The following TTLL7 variants were observed in gnomAD, a reference collection of about 807,000 sequenced individuals.
The protein encoded by TTLL7 is tubulin polyglutamylase TTLL7.
TTLL7 carries 53 observed loss-of-function variants against 120.2 expected under a neutral mutation model. The observed-to-expected ratio is 0.44, with a 90% CI of 0.35 to 0.55. TTLL7 has a LOEUF of 0.55. TTLL7 is among the 20% of genes least tolerant of loss of function. TTLL7 has a pLI of 0.00. For synonymous variants in TTLL7, 353 were observed against 351.7 expected, an observed-to-expected ratio of 1.00 and a Z score of -0.04; for missense variants, 803 against 1,054.7, an observed-to-expected ratio of 0.76 and a Z score of 3.31.
chr1:83,875,353 A>G (rs968689213), intron 20 of TTLL7, among the ~76,000 whole-genome samples: 1 of 151,906 alleles, frequency 6.6e-6, no homozygotes, highest in Non-Finnish European at 1.5e-5. Context: ...CCATCTTGCT[A>G]TATGTGTAGG....
At chr1:83,919,141 C>T (rs1221193478) in intron 13 of TTLL7, among the ~76,000 whole-genome samples, 1 of 151,838 alleles carries the variant, frequency 6.6e-6, no homozygotes, top group South Asian at 2.1e-4. Flanking sequence ...GAAAGACAAG[C>T]GGAAGAACCA....
intron 10 of TTLL7, among the ~76,000 whole-genome samples, chr1:83,922,754 G>A (rs1374865245): frequency 6.6e-6 from 1 of 151,106 alleles, no homozygotes; most frequent in African/African-American, 2.4e-5. Flanking sequence ...ATTTTTAAAA[G>A]AGGGCATAAT....
At chr1:83,941,628 G>A (rs1647976505) in intron 7 of TTLL7, among the ~76,000 whole-genome samples, 1 of 152,148 alleles carries the variant, frequency 6.6e-6, no homozygotes, top group African/African-American at 2.4e-5. Context: ...CCAGGTATTT[G>A]ACAAATTGGG....
chr1:83,905,337 A>G (rs1320461922), intron 17 of TTLL7, among the ~76,000 whole-genome samples: 4 of 151,812 alleles, frequency 2.6e-5, no homozygotes, highest in Non-Finnish European at 4.4e-5. Flanking sequence ...ATCAGTACAT[A>G]ATATAAATTC....
chr1:83,958,765 AG>A (rs1227882223), intron 1 of TTLL7, among the ~76,000 whole-genome samples: 4 of 152,198 alleles, frequency 2.6e-5, no homozygotes, highest in African/African-American at 7.2e-5. Context: ...AATATTATTC[AG>A]ATTGGATTTA....
intron 1 of TTLL7, among the ~76,000 whole-genome samples, chr1:83,957,192 T>C (rs1373752252): frequency 6.6e-6 from 1 of 152,140 alleles, no homozygotes; most frequent in Non-Finnish European, 1.5e-5. Context: ...GAAGATAACA[T>C]TGCTGATATA....
intron 15 of TTLL7, among the ~76,000 whole-genome samples, chr1:83,909,097 C>T (rs763481455): frequency 6.8e-4 from 103 of 150,630 alleles, no homozygotes; most frequent in Non-Finnish European, 1.4e-3. Context: ...ATTTAATGTG[C>T]GCCGAGAGCA....
chr1:83,918,491 G>A (rs1464392096), intron 13 of TTLL7, among the ~76,000 whole-genome samples: 2 of 152,132 alleles, frequency 1.3e-5, no homozygotes, highest in Non-Finnish European at 2.9e-5. Flanking sequence ...CAGTAGAAAT[G>A]TGTAAAGTAA....
intron 1 of TTLL7, 26 bp from the exon 2 acceptor site, chr1:83,952,413 T>C (rs1441930626): frequency 2.1e-6 from 1 of 472,430 alleles, no homozygotes; most frequent in African/African-American, 2.0e-5. Flanking sequence ...AACAAGGTCA[T>C]TTAGAAAAAA....
intron 20 of TTLL7, among the ~76,000 whole-genome samples, chr1:83,873,066 A>G (rs1305634036): frequency 1.3e-5 from 2 of 152,236 alleles, no homozygotes; most frequent in Non-Finnish European, 2.9e-5. Flanking sequence ...AATGGGTACA[A>G]TTATTATACT....
intron 1 of TTLL7, among the ~76,000 whole-genome samples, chr1:83,972,902 C>T (rs1651121978): frequency 1.3e-5 from 2 of 151,944 alleles, no homozygotes; most frequent in East Asian, 3.9e-4. Flanking sequence ...AGGTCTTTGG[C>T]CCATTGTTTG....
In TTLL7 at chr1:83,942,633, A is replaced by G. The variant is rs377446020; in HGVS notation, c.553T>C (p.Leu185=). Residue 185 remains leucine, a synonymous_variant, in exon 7 of 21, where the codon TTG becomes CTG. Coordinates refer to ENST00000260505, the MANE Select transcript of TTLL7 (RefSeq NM_024686.6). ...TTTTCAATGTATTCTTGAACAATCA[A>G]ATGATCCTGAGATGGAAGTTTGTCA... ...NGDKLPSQDH[L]IVQEYIEKPF... 3.1e-5 allele frequency: 50 copies of G among 1,613,764 alleles called. No homozygotes were observed. The highest frequency in any genetic ancestry group is 2.1e-4 in the South Asian group (19 of 91,056).
chr1:83,874,543 C>T (rs1653740064), intron 20 of TTLL7, among the ~76,000 whole-genome samples: 1 of 151,982 alleles, frequency 6.6e-6, no homozygotes, highest in Non-Finnish European at 1.5e-5. Flanking sequence ...TTTTTAGAAA[C>T]TCTCAAACTG....
chr1:83,930,369 G>A (rs945341600), intron 9 of TTLL7, among the ~76,000 whole-genome samples: 1 of 152,080 alleles, frequency 6.6e-6, no homozygotes, highest in Non-Finnish European at 1.5e-5. Flanking sequence ...GATATGCCAT[G>A]TTGTATTTTG....
At chr1:83,900,845 A>G (rs1272473983) in intron 18 of TTLL7, among the ~76,000 whole-genome samples, 5 of 152,062 alleles carry the variant, frequency 3.3e-5, no homozygotes, top group Non-Finnish European at 7.4e-5. Context: ...ATAGCATAGC[A>G]AAGGCCCTTT....
Position 83,891,595 on chromosome 1 carries a change from A to G in TTLL7, c.2209-1114T>C, listed in dbSNP as rs189810970. On this transcript the variant is annotated intron_variant, in intron 18 of 20. Coordinates refer to ENST00000260505, the MANE Select transcript of TTLL7 (RefSeq NM_024686.6). The stretch of plus-strand genomic sequence containing the variant: ...ATTATTTCTCATAGGTAAAAATAGG[A>G]GGCAGCATGTACAAGAACATTCATA... Among the ~76,000 whole-genome samples the G allele has an allele frequency of 9.5e-4, 144 of 152,210 alleles. 1 individual carries two copies. The highest frequency in any genetic ancestry group is 3.1e-3 in the African/African-American group (129 of 41,546).
chr1:83,875,855 G>C (rs573996719), intron 20 of TTLL7, among the ~76,000 whole-genome samples: 2 of 151,838 alleles, frequency 1.3e-5, no homozygotes, highest in African/African-American at 2.4e-5. Flanking sequence ...GATTATATGG[G>C]TTGCAAACAC....
rs1177060566 is a variant in TTLL7, at chr1:83,865,026, GCTTT to G, written c.*4932_*4935del. 6.9e-6 allele frequency: 1 copy of G among 145,902 alleles called. No individual in the cohort carries two copies. The highest frequency in any genetic ancestry group is 2.5e-5 in the African/African-American group (1 of 39,704). 9.0% of individuals were successfully genotyped at this position (145,902 alleles called of 1,614,324 possible). A position where few individuals can be genotyped will look rare whatever the true frequency, so the allele number is the denominator to read the frequency against. On this transcript the variant is annotated 3_prime_UTR_variant, in exon 21 of 21. Coordinates refer to ENST00000260505, the MANE Select transcript of TTLL7 (RefSeq NM_024686.6). Reference sequence around the variant, plus strand: ...AATAAGCATTTGATGACATATTGTAGCTTTCTTAGGTTAAACTTTTTTATTATAG... The same window carrying G: ...AATAAGCATTTGATGACATATTGTAGCTTAGGTTAAACTTTTTTATTATAG...
At chr1:83,908,109 G>A (rs985667062) in intron 15 of TTLL7, among the ~76,000 whole-genome samples, 1 of 152,064 alleles carries the variant, frequency 6.6e-6, no homozygotes, top group African/African-American at 2.4e-5. Flanking sequence ...GCAAGGAAGT[G>A]GTCAAGATCA....
Sources: gnomAD v4.1 joint callset for allele counts (sites outside exome capture counted in the v4.1 genomes callset) on GRCh38, gnomAD v4.1.1 for gene constraint, MANE v1.5 for transcripts, NCBI Gene and HGNC (gene_info 2026-07-23, HGNC 2026-07-21) for gene names.